The following MSRA variants were observed in gnomAD, a reference collection of about 807,000 sequenced individuals.
The protein encoded by MSRA is methionine sulfoxide reductase A.
Under a neutral mutation model 31.3 loss-of-function variants are expected in MSRA, and 54 were observed. The observed-to-expected ratio is 1.73, with a 90% CI of 1.39 to 2.17. MSRA has a LOEUF of 2.17. Among genes scored for constraint, MSRA ranks in the 30% most tolerant of loss-of-function variants. The pLI is 0.00. For synonymous variants in MSRA, 169 were observed against 116.5 expected, an observed-to-expected ratio of 1.45 and a Z score of -2.90; for missense variants, 507 against 300.9, an observed-to-expected ratio of 1.69 and a Z score of -5.07.
chr8:10,062,149 G>A (rs946512947), intron 1 of MSRA, among the ~76,000 whole-genome samples: 1 of 152,168 alleles, frequency 6.6e-6, no homozygotes, highest in Admixed American at 6.5e-5. Context: ...TGCTAAGCTT[G>A]GTCTGGCTCC....
At chr8:10,162,329 C>T (rs1415606071) in intron 1 of MSRA, among the ~76,000 whole-genome samples, 1 of 152,190 alleles carries the variant, frequency 6.6e-6, no homozygotes, top group Non-Finnish European at 1.5e-5. Flanking sequence ...ATGTCTCTTT[C>T]TCTCCTTGCA....
At chr8:10,067,101 T>C (rs922463278) in intron 1 of MSRA, among the ~76,000 whole-genome samples, 4 of 152,226 alleles carry the variant, frequency 2.6e-5, no homozygotes, top group Non-Finnish European at 5.9e-5. Flanking sequence ...TGATGATATG[T>C]ACCTACCATT....
At chr8:10,100,407 G>T (rs1184210726) in intron 1 of MSRA, among the ~76,000 whole-genome samples, 1 of 152,092 alleles carries the variant, frequency 6.6e-6, no homozygotes, top group African/African-American at 2.4e-5. Context: ...AGTCCCCATT[G>T]TGCTTGTGGA....
chr8:10,393,142 C>A (rs1228533149), intron 5 of MSRA, among the ~76,000 whole-genome samples: 1 of 151,592 alleles, frequency 6.6e-6, no homozygotes. Context: ...TTGTCCACTG[C>A]TGCTCCTTGA....
At chr8:10,404,944 C>T (rs1485401195) in intron 5 of MSRA, among the ~76,000 whole-genome samples, 3 of 152,200 alleles carry the variant, frequency 2.0e-5, no homozygotes, top group Non-Finnish European at 4.4e-5. Flanking sequence ...TGGGCTTGGC[C>T]TGGACAGAAC....
intron 5 of MSRA, among the ~76,000 whole-genome samples, chr8:10,353,081 T>C (rs989295956): frequency 6.6e-6 from 1 of 152,004 alleles, no homozygotes; most frequent in African/African-American, 2.4e-5. Context: ...TCCAGTCCCT[T>C]TCTCTGCATT....
chr8:10,234,161 A>T (rs542386845), intron 2 of MSRA, among the ~76,000 whole-genome samples: 1 of 152,284 alleles, frequency 6.6e-6, no homozygotes, highest in East Asian at 1.9e-4. Context: ...TTAAAGATAT[A>T]TTTCAGTAAG....
chr8:10,061,283 C>T (rs75347602), intron 1 of MSRA, among the ~76,000 whole-genome samples: 1 of 152,104 alleles, frequency 6.6e-6, no homozygotes, highest in Non-Finnish European at 1.5e-5. Flanking sequence ...TTTACTTAGT[C>T]ATTCATTAAA....
intron 2 of MSRA, 104 bp downstream of exon 2, chr8:10,208,005 C>G (rs1809151388): frequency 1.2e-6 from 1 of 819,288 alleles, no homozygotes. Context: ...CTGGGCTCTT[C>G]TAGATATTTA....
At chr8:10,130,076 A>G (rs1369600745) in intron 1 of MSRA, among the ~76,000 whole-genome samples, 2 of 152,186 alleles carry the variant, frequency 1.3e-5, no homozygotes, top group Admixed American at 6.5e-5. Context: ...TTGAAGGGGC[A>G]TTTCTGGTCA....
chr8:10,201,946 C>T (rs995139693), intron 1 of MSRA, among the ~76,000 whole-genome samples: 2 of 152,256 alleles, frequency 1.3e-5, no homozygotes, highest in Non-Finnish European at 2.9e-5. Context: ...GGCATGTGCC[C>T]AACCCACCAG....
chr8:10,252,929 G>T (rs1397730952), intron 3 of MSRA, among the ~76,000 whole-genome samples: 1 of 152,188 alleles, frequency 6.6e-6, no homozygotes, highest in African/African-American at 2.4e-5. Context: ...GCGAAATCAT[G>T]TGGTCTCTCA....
intron 1 of MSRA, among the ~76,000 whole-genome samples, chr8:10,160,670 C>A (rs1804556959): frequency 6.6e-6 from 1 of 152,062 alleles, no homozygotes; most frequent in Admixed American, 6.5e-5. Context: ...GCTGGGATTA[C>A]AGGTGACTGC....
chr8:10,206,543 C>T (rs775514254), intron 1 of MSRA, among the ~76,000 whole-genome samples: 19 of 152,322 alleles, frequency 1.2e-4, no homozygotes, highest in Non-Finnish European at 1.9e-4. Context: ...GACCTAGTCT[C>T]GGTCTAAGAG....
intron 3 of MSRA, among the ~76,000 whole-genome samples, chr8:10,255,498 C>T (rs944436415): frequency 6.6e-6 from 1 of 152,158 alleles, no homozygotes; most frequent in East Asian, 1.9e-4. Context: ...CCCCTCGGTC[C>T]CGGCAGGTAA....
At chr8:10,382,660 A>G (rs1408062308) in intron 5 of MSRA, among the ~76,000 whole-genome samples, 1 of 152,200 alleles carries the variant, frequency 6.6e-6, no homozygotes, top group Non-Finnish European at 1.5e-5. Flanking sequence ...TACTGAGGCA[A>G]ACACCTCATC....
At chr8:10,337,937 C>T in intron 5 of MSRA, 1 of 639,258 alleles carries the variant, frequency 1.6e-6, no homozygotes, top group Non-Finnish European at 2.8e-6. Context: ...ACTAATAAGA[C>T]TTGGAAGTAG....
intron 1 of MSRA, among the ~76,000 whole-genome samples, chr8:10,175,276 A>T (rs1765668011): frequency 6.6e-6 from 1 of 152,072 alleles, no homozygotes; most frequent in South Asian, 2.1e-4. Context: ...AGAATCGATA[A>T]TCTCTGCTAC....
chr8:10,130,680 C>G (rs933702895), intron 1 of MSRA, among the ~76,000 whole-genome samples: 2 of 152,296 alleles, frequency 1.3e-5, no homozygotes, highest in East Asian at 3.9e-4. Context: ...CATAGGGAAA[C>G]CAACAGTGCC....
Sources: allele counts gnomAD v4.1 joint callset (sites outside exome capture counted in the v4.1 genomes callset), GRCh38; gene constraint gnomAD v4.1.1; transcripts MANE v1.5; gene names NCBI Gene and HGNC (gene_info 2026-07-23, HGNC 2026-07-21).